The following ATRN variants were observed in gnomAD, a reference collection of about 807,000 sequenced individuals.
The protein encoded by ATRN is attractin-2.
In ATRN, 54 loss-of-function variants were observed where a neutral mutation model predicts 178.7. That is an observed-to-expected ratio of 0.30 (90% CI 0.24 to 0.38). The LOEUF (loss-of-function observed/expected upper bound fraction) is 0.38. Ranked by LOEUF, ATRN falls within the 10% of genes least tolerant of loss-of-function variation. The pLI is 1.00. For missense variants in ATRN, 1,443 were observed against 1,815.1 expected (o/e 0.79, Z 3.73); for synonymous variants, 636 against 663.0 (o/e 0.96, Z 0.63).
At chr20:3,607,202 T>A (rs187932584) in intron 24 of ATRN, among the ~76,000 whole-genome samples, 182 of 152,310 alleles carry the variant, frequency 1.2e-3, no homozygotes, top group African/African-American at 4.1e-3. Flanking sequence ...ATAAGAGTAA[T>A]TAGGATATCC....
chr20:3,497,718 G>T (rs1253063128), intron 1 of ATRN, among the ~76,000 whole-genome samples: 3 of 152,110 alleles, frequency 2.0e-5, no homozygotes, highest in Non-Finnish European at 1.5e-5. Flanking sequence ...TGCCTTGCTA[G>T]ATTGGGGAAG....
At chr20:3,637,974 C>T (rs769087565) in intron 26 of ATRN, among the ~76,000 whole-genome samples, 5 of 152,108 alleles carry the variant, frequency 3.3e-5, no homozygotes, top group African/African-American at 4.8e-5. Context: ...TTTTGTTGTC[C>T]TGTGAATCCT....
chr20:3,548,537 G>T (rs2085740738), intron 5 of ATRN, among the ~76,000 whole-genome samples: 1 of 150,624 alleles, frequency 6.6e-6, no homozygotes, highest in South Asian at 2.1e-4. Flanking sequence ...GGAGGTGGAG[G>T]TTGCAGTGAG....
intron 24 of ATRN, among the ~76,000 whole-genome samples, chr20:3,604,768 T>C (rs2086656782): frequency 6.6e-6 from 1 of 152,222 alleles, no homozygotes; most frequent in Non-Finnish European, 1.5e-5. Context: ...TCCTGGCTCC[T>C]ATACAAATCA....
At chr20:3,491,049 G>T in intron 1 of ATRN, 2 of 969,150 alleles carry the variant, frequency 2.1e-6, no homozygotes, top group Non-Finnish European at 3.3e-6. Flanking sequence ...ATGATTAGTT[G>T]TTTGCTGCTG....
At chr20:3,637,459 G>A (rs1454818269) in intron 26 of ATRN, among the ~76,000 whole-genome samples, 1 of 152,134 alleles carries the variant, frequency 6.6e-6, no homozygotes, top group Non-Finnish European at 1.5e-5. Context: ...TTTAAAAAAT[G>A]TAAGAATGTT....
At chr20:3,554,305 T>TTATTTTTATTTATTTA (rs1555815682) in intron 6 of ATRN, among the ~76,000 whole-genome samples, 4 of 139,180 alleles carry the variant, frequency 2.9e-5, no homozygotes, top group Non-Finnish European at 4.6e-5. Flanking sequence ...GATTACAGAT[T>TTATTTTTATTTATTTA]TTTATTTATT....
At chr20:3,510,228 G>A (rs1021368926) in intron 1 of ATRN, among the ~76,000 whole-genome samples, 1 of 152,168 alleles carries the variant, frequency 6.6e-6, no homozygotes, top group East Asian at 1.9e-4. Flanking sequence ...TCTAGGGTTA[G>A]GTATTGCATT....
At chr20:3,595,374 TA>T in intron 20 of ATRN, among the ~76,000 whole-genome samples, 1 of 152,360 alleles carries the variant, frequency 6.6e-6, no homozygotes. Context: ...TTAATCATTG[TA>T]AACATCATTA....
In ATRN at chr20:3,492,875, GCA is replaced by G. The variant is rs376260361; in HGVS notation, c.410+21379_410+21380del. On this transcript the variant is annotated intron_variant, in intron 1 of 28. Transcript: ENST00000262919. The stretch of plus-strand genomic sequence containing the variant: ...GAGAGGCGCGCGCGCGCGTGCGCAC[GCA>G]CACACACACACACACACACATAACT... Among the ~76,000 whole-genome samples the G allele has an allele frequency of 4.2e-3, 449 of 106,726 alleles. 2 individuals are homozygous for G. Among genetic ancestry groups the G allele is most frequent in the Middle Eastern group, 0.014 (3 of 216 alleles). The allele number at this position is 106,726 out of a possible 152,430, so 70.0% of individuals were successfully genotyped here. A position where few individuals can be genotyped will look rare whatever the true frequency, so the allele number is the denominator to read the frequency against.
chr20:3,502,161 T>C (rs1438640026), intron 1 of ATRN, among the ~76,000 whole-genome samples: 1 of 152,148 alleles, frequency 6.6e-6, no homozygotes, highest in Non-Finnish European at 1.5e-5. Flanking sequence ...TACATAGTTA[T>C]ACAACTTAGT....
intron 1 of ATRN, among the ~76,000 whole-genome samples, chr20:3,500,179 AAAC>A (rs1409522753): frequency 3.9e-5 from 6 of 152,174 alleles, no homozygotes; most frequent in Admixed American, 1.3e-4. Flanking sequence ...AAAAGTCAGG[AAAC>A]AACAGGTGCT....
intron 19 of ATRN, among the ~76,000 whole-genome samples, chr20:3,591,965 C>T (rs1036256891): frequency 1.3e-5 from 2 of 152,208 alleles, no homozygotes; most frequent in African/African-American, 2.4e-5. Context: ...CAGAGCCCCA[C>T]ACTTAGGCCC....
intron 1 of ATRN, among the ~76,000 whole-genome samples, chr20:3,506,056 T>A (rs1273580379): frequency 6.8e-6 from 1 of 147,296 alleles, no homozygotes; most frequent in Non-Finnish European, 1.5e-5. Context: ...CTTGACACAC[T>A]GACACATACA....
chr20:3,583,770 T>G (rs530578534), intron 16 of ATRN, 128 bp from the exon 17 acceptor site: 1 of 945,250 alleles, frequency 1.1e-6, no homozygotes, highest in South Asian at 1.7e-5. Flanking sequence ...ATTGTGCCAC[T>G]GCACTCTAGC....
At chr20:3,556,037 G>A (rs551386818) in intron 6 of ATRN, among the ~76,000 whole-genome samples, 2 of 152,126 alleles carry the variant, frequency 1.3e-5, no homozygotes, top group African/African-American at 4.8e-5. Flanking sequence ...GAATTGGGAG[G>A]TTGTAGGCCT....
chr20:3,568,879 G>A (rs1034992314), intron 11 of ATRN, among the ~76,000 whole-genome samples: 5 of 152,120 alleles, frequency 3.3e-5, no homozygotes, highest in Admixed American at 2.6e-4. Context: ...TGCATAGGGG[G>A]CCATTTTCAG....
At chr20:3,533,934 G>C (rs2085488629) in intron 1 of ATRN, among the ~76,000 whole-genome samples, 1 of 152,104 alleles carries the variant, frequency 6.6e-6, no homozygotes, top group Non-Finnish European at 1.5e-5. Context: ...TGTGATTTCA[G>C]GCAAGAGCCA....
intron 15 of ATRN, 72 bp downstream of exon 15, chr20:3,578,844 A>G: frequency 7.0e-7 from 1 of 1,419,630 alleles, no homozygotes; most frequent in Non-Finnish European, 9.6e-7. Context: ...TGCAGCTTGC[A>G]TGTGGAAGGC....
Sources: allele counts gnomAD v4.1 joint callset (sites outside exome capture counted in the v4.1 genomes callset), GRCh38; gene constraint gnomAD v4.1.1; transcripts MANE v1.5; gene names NCBI Gene and HGNC (gene_info 2026-07-23, HGNC 2026-07-21).